The following FMNL2 variants were observed in gnomAD, a reference collection of about 807,000 sequenced individuals.
FMNL2 encodes the protein formin-like protein 2.
Under a neutral mutation model 130.2 loss-of-function variants are expected in FMNL2, and 51 were observed. The ratio of observed to expected loss-of-function variants is 0.39; its 90% confidence interval spans 0.31 to 0.49. The LOEUF is 0.49. Among genes scored for constraint, FMNL2 ranks in the 20% least tolerant of loss-of-function variants. The pLI is 0.85. For missense variants in FMNL2, 977 were observed against 1,316.2 expected (o/e 0.74, Z 3.99); for synonymous variants, 465 against 467.1 (o/e 1.00, Z 0.06).
chr2:152,379,503 A>G (rs1229784036), intron 1 of FMNL2, among the ~76,000 whole-genome samples: 1 of 152,192 alleles, frequency 6.6e-6, no homozygotes, highest in East Asian at 1.9e-4. Flanking sequence ...TTATGTCAGA[A>G]TGTGGTTACT....
intron 1 of FMNL2, among the ~76,000 whole-genome samples, chr2:152,425,853 C>T (rs1687175155): frequency 6.6e-6 from 1 of 152,148 alleles, no homozygotes; most frequent in South Asian, 2.1e-4. Flanking sequence ...AACGACTTCC[C>T]CCATCCCATC....
intron 1 of FMNL2, among the ~76,000 whole-genome samples, chr2:152,492,586 C>T (rs1050865145): frequency 2.0e-5 from 3 of 152,114 alleles, no homozygotes; most frequent in South Asian, 2.1e-4. Flanking sequence ...TCAAGTACAG[C>T]GTGGAACCAG....
intron 1 of FMNL2, among the ~76,000 whole-genome samples, chr2:152,377,858 G>T (rs536792120): frequency 1.3e-5 from 2 of 152,250 alleles, no homozygotes; most frequent in East Asian, 3.9e-4. Flanking sequence ...TGGGCTGGGT[G>T]TGGTGGCTTA....
chr2:152,399,578 GT>G (rs1255281547), intron 1 of FMNL2, among the ~76,000 whole-genome samples: 1 of 152,120 alleles, frequency 6.6e-6, no homozygotes, highest in East Asian at 1.9e-4. Context: ...CTGTTGACCA[GT>G]TTTTTTTCTG....
chr2:152,347,572 T>A (rs1369722287), intron 1 of FMNL2, among the ~76,000 whole-genome samples: 2 of 152,214 alleles, frequency 1.3e-5, no homozygotes, highest in African/African-American at 4.8e-5. Flanking sequence ...GCATTTGAAA[T>A]TTTGGGCATT....
chr2:152,589,379 C>T (rs1697261408), intron 9 of FMNL2, among the ~76,000 whole-genome samples: 3 of 152,048 alleles, frequency 2.0e-5, no homozygotes, highest in Admixed American at 1.3e-4. Context: ...TATTTCTATT[C>T]CTATAAAAAT....
intron 4 of FMNL2, among the ~76,000 whole-genome samples, chr2:152,550,661 TG>T (rs1694885652): frequency 6.6e-6 from 1 of 152,206 alleles, no homozygotes; most frequent in South Asian, 2.1e-4. Flanking sequence ...GCTTGTCTGC[TG>T]GGGATGAACA....
intron 1 of FMNL2, among the ~76,000 whole-genome samples, chr2:152,425,428 A>G (rs1342700625): frequency 6.6e-6 from 1 of 152,154 alleles, no homozygotes; most frequent in Non-Finnish European, 1.5e-5. Context: ...TGTTAGTAAA[A>G]TCTCTGTACA....
chr2:152,649,411 A>G lies in FMNL2; in HGVS notation c.*1506A>G, dbSNP rs1198423864. On this transcript the variant is annotated 3_prime_UTR_variant, in exon 26 of 26. Coordinates refer to ENST00000288670, the MANE Select transcript of FMNL2 (RefSeq NM_052905.4). ...AATATATATATTTAACTATAAGGAC[A>G]GTTTAGGGAACAAGTTACCTACCAC... The G allele has an allele frequency of 2.6e-5, 4 of 152,576 alleles. No individual in the cohort carries two copies. The highest frequency in any genetic ancestry group is 5.9e-5 in the Non-Finnish European group (4 of 68,036). The allele number at this position is 152,576 out of a possible 1,614,324, so 9.5% of individuals were successfully genotyped here. A position where few individuals can be genotyped will look rare whatever the true frequency, so the allele number is the denominator to read the frequency against.
chr2:152,442,640 G>T (rs1688114492), intron 1 of FMNL2, among the ~76,000 whole-genome samples: 1 of 152,050 alleles, frequency 6.6e-6, no homozygotes, highest in South Asian at 2.1e-4. Flanking sequence ...CTGTTCATTT[G>T]TGTGTTTAGA....
At chr2:152,389,017 A>G (rs1306983518) in intron 1 of FMNL2, among the ~76,000 whole-genome samples, 2 of 151,922 alleles carry the variant, frequency 1.3e-5, no homozygotes, top group African/African-American at 2.4e-5. Context: ...GAGTAAAAGT[A>G]TTAATGTCAA....
intron 15 of FMNL2, among the ~76,000 whole-genome samples, chr2:152,621,449 G>GAA (rs1432474506): frequency 2.0e-5 from 3 of 152,122 alleles, no homozygotes; most frequent in Non-Finnish European, 4.4e-5. Flanking sequence ...TCTGTCAATT[G>GAA]CCTCAATATT....
At chr2:152,357,676 A>G (rs955950300) in intron 1 of FMNL2, among the ~76,000 whole-genome samples, 16 of 148,622 alleles carry the variant, frequency 1.1e-4, no homozygotes, top group South Asian at 2.1e-4. Context: ...AGTTTAATGT[A>G]TAACTATATA....
At chr2:152,356,858 ATT>A (rs1301058645) in intron 1 of FMNL2, among the ~76,000 whole-genome samples, 1 of 151,638 alleles carries the variant, frequency 6.6e-6, no homozygotes, top group African/African-American at 2.4e-5. Context: ...AGATATGTAT[ATT>A]GGTAAGCTTC....
chr2:152,631,392 C>CAAAAAAAAAAAAAAAAAAAAAAAAAAAA (rs33966314), intron 20 of FMNL2, among the ~76,000 whole-genome samples: 1 of 77,248 alleles, frequency 1.3e-5, no homozygotes, highest in Non-Finnish European at 2.4e-5. Flanking sequence ...GACTCCATCT[C>CAAAAAAAAAAAAAAAAAAAAAAAAAAAA]AAAAAAAAAA....
intron 1 of FMNL2, among the ~76,000 whole-genome samples, chr2:152,492,494 C>T (rs1311163299): frequency 1.3e-5 from 2 of 152,134 alleles, no homozygotes; most frequent in Non-Finnish European, 2.9e-5. Context: ...TGGCTTTTCT[C>T]AACTGGAGAA....
chr2:152,647,362 A>G (rs1683678850), intron 25 of FMNL2, among the ~76,000 whole-genome samples: 2 of 152,198 alleles, frequency 1.3e-5, no homozygotes, highest in African/African-American at 4.8e-5. Flanking sequence ...GTTCTTGTTA[A>G]AACTGCGAGG....
chr2:152,413,894 A>G (rs904458922), intron 1 of FMNL2, among the ~76,000 whole-genome samples: 1 of 152,206 alleles, frequency 6.6e-6, no homozygotes, highest in African/African-American at 2.4e-5. Flanking sequence ...AGACAGACCC[A>G]TGTGGTGACT....
intron 1 of FMNL2, among the ~76,000 whole-genome samples, chr2:152,437,653 C>A (rs138410694): frequency 6.6e-6 from 1 of 152,084 alleles, no homozygotes; most frequent in Non-Finnish European, 1.5e-5. Context: ...TACAGTCTAT[C>A]GGTTTGTGTG....
Sources: gnomAD v4.1 joint callset for allele counts (sites outside exome capture counted in the v4.1 genomes callset) on GRCh38, gnomAD v4.1.1 for gene constraint, MANE v1.5 for transcripts, NCBI Gene and HGNC (gene_info 2026-07-23, HGNC 2026-07-21) for gene names.